NDUFV1: variants seen among roughly 807,000 people sequenced by gnomAD.
NDUFV1 encodes NADH dehydrogenase [ubiquinone] flavoprotein 1, mitochondrial.
A neutral mutation model predicts 48.7 loss-of-function variants in NDUFV1; 41 were observed. That is an observed-to-expected ratio of 0.84 (90% CI 0.66 to 1.09). The LOEUF (loss-of-function observed/expected upper bound fraction) is 1.09. Ranked by LOEUF, NDUFV1 falls within the 50% of genes least tolerant of loss-of-function variation. The pLI, the probability that NDUFV1 is intolerant of heterozygous loss-of-function variation, is 0.00. For missense variants in NDUFV1, 580 were observed against 645.4 expected, an observed-to-expected ratio of 0.90 and a Z score of 1.10; for synonymous variants, 231 against 259.1, an observed-to-expected ratio of 0.89 and a Z score of 1.04.
In NDUFV1 at chr11:67,611,936, T is replaced by C. The variant is rs1280383856; in HGVS notation, c.1120T>C (p.Tyr374His). The change falls in exon 8 of 10, where the codon TAT (tyrosine) becomes CAT (histidine). Residue 374 changes from tyrosine (Y) to histidine (H), a missense_variant. Physicochemically the swap from Tyr to His is moderately conservative, Grantham distance 83 (BLOSUM62 2). Coordinates refer to ENST00000322776, the MANE Select transcript of NDUFV1 (RefSeq NM_007103.4). The surrounding 1 kb of genome is among the most constrained non-coding windows in gnomAD (Gnocchi z 4.2). ...VKAIARLIEFYKHESCGQCTP... is the reference protein window; with the variant it reads ...VKAIARLIEFHKHESCGQCTP... ...AGCCATCGCCCGCCTCATTGAGTTC[T>C]ATAAGCACGAGAGCTGTGGCCAGTG... 1 of 1,614,040 alleles carries C rather than the reference T, an allele frequency of 6.2e-7. No individual in the cohort carries two copies. The highest frequency in any genetic ancestry group is 8.5e-7 in the Non-Finnish European group (1 of 1,180,022).
intron 1 of NDUFV1, chr11:67,608,153 G>A (rs1184336252): frequency 1.8e-6 from 1 of 554,942 alleles, no homozygotes; most frequent in Non-Finnish European, 3.2e-6. Context: ...TTGAACCTGG[G>A]AGGTGGAGTT....
chr11:67,610,202 A>G lies in NDUFV1; in HGVS notation c.511-179A>G, dbSNP rs1282696332. The stretch of plus-strand genomic sequence containing the variant: ...CTTACTTATGTGTTCCTTCTTGCTT[A>G]TCTGTTCCAGATCATAGTCAAGTTT... On this transcript the variant is annotated intron_variant, in intron 4 of 9. Coordinates refer to ENST00000322776, the MANE Select transcript of NDUFV1 (RefSeq NM_007103.4). 4.6e-6 allele frequency: 3 copies of G among 648,448 alleles called. No homozygotes were observed. The East Asian group carries it at 8.1e-5, about 18-fold the overall frequency. 40.2% of individuals were successfully genotyped at this position (648,448 alleles called of 1,614,324 possible).
intron 1 of NDUFV1, 135 bp downstream of exon 1, chr11:67,607,211 C>G: frequency 9.8e-7 from 1 of 1,023,448 alleles, no homozygotes; most frequent in Non-Finnish European, 1.5e-6. Flanking sequence ...AAGGCCCCCG[C>G]TCCGGCCTGG....
rs941600793 is a variant in NDUFV1, at chr11:67,611,835, G to A, written c.1081-62G>A. On this transcript the variant is annotated intron_variant, in intron 7 of 9. Transcript: ENST00000322776. The surrounding 1 kb of genome is among the most constrained non-coding windows in gnomAD (Gnocchi z 4.2). ...GAACTGGGGGAGGGGCTGCTGCTAG[G>A]GGGCTGAGGCCCAGGCTTCTGTCTG... 2.5e-6 allele frequency: 4 copies of A among 1,587,292 alleles called. No individual in the cohort carries two copies. In the Admixed American group the frequency reaches 6.7e-5, roughly 26 times the overall value.
chr11:67,612,215 G>A lies in NDUFV1; in HGVS notation c.1258G>A (p.Glu420Lys). 6.2e-7 allele frequency: 1 copy of A among 1,613,750 alleles called. No homozygotes were observed. Among genetic ancestry groups the A allele is most frequent in the Non-Finnish European group, 8.5e-7 (1 of 1,179,948 alleles). ...DSLWEISKQI[E>K]GHTICALGDG... is the part of the protein sequence containing the mutation. ...CCTGTGGGAGATCAGCAAGCAGATA[G>A]AAGGCCATACGATTTGTGCTCTGGG... Residue 420 changes from glutamate to lysine, a missense_variant, in exon 9 of 10, where the codon GAA (glutamate) becomes AAA (lysine). By Grantham distance (56) the Glu-to-Lys change is moderately conservative. Coordinates refer to ENST00000322776, the MANE Select transcript of NDUFV1 (RefSeq NM_007103.4). The surrounding 1 kb of genome is among the most constrained non-coding windows in gnomAD (Gnocchi z 4.4).
rs1238918850 is a variant in NDUFV1 at position 67,612,097 on chromosome 11, C to T, written c.1163-23C>T. Reference sequence around the variant, plus strand: ...TCCTGGCTGGGGAGATCATCAGGCCCTCTCTTGTGGCTGTGGCTGCAGGTG... The same window carrying T: ...TCCTGGCTGGGGAGATCATCAGGCCTTCTCTTGTGGCTGTGGCTGCAGGTG... On this transcript the variant is annotated intron_variant, in intron 8 of 9. Coordinates refer to ENST00000322776, the MANE Select transcript of NDUFV1 (RefSeq NM_007103.4). This position sits in a 1 kb window ranked among gnomAD's most constrained non-coding sequence, Gnocchi z 4.4. 17 of 1,613,442 alleles carry T rather than the reference C, an allele frequency of 1.1e-5. No homozygotes were observed. Among genetic ancestry groups the T allele is most frequent in the Non-Finnish European group, 1.4e-5 (17 of 1,179,990 alleles).
chr11:67,611,680 G>A lies in NDUFV1; in HGVS notation c.1080+111G>A. 6.7e-7 allele frequency: 1 copy of A among 1,499,142 alleles called. No homozygotes were observed. Among genetic ancestry groups the A allele is most frequent in the East Asian group, 2.4e-5 (1 of 40,942 alleles). The allele number at this position is 1,499,142 out of a possible 1,614,324, so 92.9% of individuals were successfully genotyped here. On this transcript the variant is annotated intron_variant, in intron 7 of 9. Transcript: ENST00000322776. The surrounding 1 kb of genome is among the most constrained non-coding windows in gnomAD (Gnocchi z 4.2). ...ACTCAGGTCTCAGTTCCTGCAGCCT[G>A]AGATAAAGCAAGGTGGAAGAGGAGG...
chr11:67,611,437 T>C lies in NDUFV1; in HGVS notation c.948T>C (p.Ala316=), dbSNP rs1397330510. 1 of 1,613,968 alleles carries C rather than the reference T, an allele frequency of 6.2e-7. No individual in the cohort carries two copies. Among genetic ancestry groups the C allele is most frequent in the East Asian group, 2.2e-5 (1 of 44,898 alleles). The change falls in exon 7 of 10, where the codon GCT becomes GCC. Residue 316 remains alanine, a synonymous_variant. Coordinates refer to ENST00000322776, the MANE Select transcript of NDUFV1 (RefSeq NM_007103.4). This position sits in a 1 kb window ranked among gnomAD's most constrained non-coding sequence, Gnocchi z 4.2. ...GVTGGWDNLL[A]VIPGGSSTPL... is the part of the protein sequence containing the mutation. ...CGGGCGGCTGGGACAACCTCCTTGC[T>C]GTGATCCCTGGCGGCTCGTCTACCC...
intron 5 of NDUFV1, 180 bp downstream of exon 5, chr11:67,610,750 C>A: frequency 1.1e-6 from 1 of 877,142 alleles, no homozygotes; most frequent in South Asian, 1.6e-5. Context: ...CCTCCTGCCT[C>A]GGTCCCCTCC....
chr11:67,611,871 C>T lies in NDUFV1; in HGVS notation c.1081-26C>T, dbSNP rs375312285. On this transcript the variant is annotated intron_variant, in intron 7 of 9. Transcript: ENST00000322776. The surrounding 1 kb of genome is among the most constrained non-coding windows in gnomAD (Gnocchi z 4.2). ...CCAGGCTTCTGTCTGGCCGTGGGTG[C>T]CTGCTAATTGCCCCTCGTCACCCAG... The T allele has an allele frequency of 3.7e-6, 6 of 1,612,764 alleles. No homozygotes were observed. The South Asian group carries it at 4.4e-5, about 12-fold the overall frequency.
intron 1 of NDUFV1, 35 bp downstream of exon 1, chr11:67,607,111 G>C (rs1854820198): frequency 1.3e-6 from 2 of 1,586,588 alleles, no homozygotes; most frequent in South Asian, 1.1e-5. Flanking sequence ...ACGGGTGTTT[G>C]GGGCCGGGTG....
rs773121558 is a variant in NDUFV1 at position 67,609,519 on chromosome 11, C to T, written c.394C>T (p.Arg132Cys). The stretch of plus-strand genomic sequence containing the variant: ...CACCTGCAAGGACCGGGAGATCTTA[C>T]GCCATGATCCTCACAAGCTGCTGGA... ...PGTCKDREILRHDPHKLLEGC... is the reference protein window; with the variant it reads ...PGTCKDREILCHDPHKLLEGC... Residue 132 changes from arginine (R) to cysteine (C), a missense_variant, in exon 4 of 10, where the codon CGC (arginine) becomes TGC (cysteine). Coordinates refer to ENST00000322776, the MANE Select transcript of NDUFV1 (RefSeq NM_007103.4). 40 of 1,613,388 alleles carry T rather than the reference C, an allele frequency of 2.5e-5. No homozygotes were observed. Among genetic ancestry groups the T allele is most frequent in the South Asian group, 8.8e-5 (8 of 91,080 alleles).
chr11:67,609,713 TGAGGTGTTA>T lies in NDUFV1; in HGVS notation c.510+80_510+88del, dbSNP rs1412801968. ...CACCCCTCACCCAGCACAGTTGTTC[TGAGGTGTTA>T]GTACCTGGTCTGTCAGTGGTTGAAC... is the stretch of plus-strand genomic sequence containing the variant. On this transcript the variant is annotated intron_variant, in intron 4 of 9. Transcript: ENST00000322776. 2.0e-5 allele frequency: 30 copies of T among 1,523,992 alleles called. No homozygotes were observed. The East Asian group carries it at 6.7e-4, about 34-fold the overall frequency. 94.4% of individuals were successfully genotyped at this position (1,523,992 alleles called of 1,614,324 possible).
chr11:67,608,851 T>G, intron 3 of NDUFV1, 129 bp downstream of exon 3: 1 of 1,287,930 alleles, frequency 7.8e-7, no homozygotes, highest in South Asian at 1.2e-5. Flanking sequence ...TTCCCAGGCC[T>G]TAAATGGATG....
At position 67,608,419 on chromosome 11, in the gene NDUFV1, T is replaced by G. The variant is rs556646699; in HGVS notation, c.96T>G (p.Phe32Leu). Residue 32 changes from phenylalanine (F) to leucine (L), a missense_variant, in exon 2 of 10, where the codon TTT (phenylalanine) becomes TTG (leucine). Transcript: ENST00000322776. ...GDTTAPKKTS[F>L]GSLKDEDRIF... ...AGACAGCACCCAAGAAAACCTCATTTGGCTCGCTGAAGGATGAAGACCGGA... is the reference window on the plus strand; with the variant it reads ...AGACAGCACCCAAGAAAACCTCATTGGGCTCGCTGAAGGATGAAGACCGGA... 5 of 1,614,144 alleles carry G rather than the reference T, an allele frequency of 3.1e-6. No individual in the cohort carries two copies. In the Admixed American group the frequency reaches 8.3e-5, roughly 27 times the overall value.
intron 1 of NDUFV1, chr11:67,607,564 T>C (rs1158840906): frequency 1.4e-5 from 6 of 443,014 alleles, no homozygotes; most frequent in Non-Finnish European, 2.7e-5. Flanking sequence ...CACCTGTGTG[T>C]TAAGGAGGCA....
In NDUFV1 at chr11:67,611,340, A is replaced by G; in HGVS notation, c.914-63A>G. 1.9e-6 allele frequency: 3 copies of G among 1,601,396 alleles called. No individual in the cohort carries two copies. The highest frequency in any genetic ancestry group is 2.7e-5 in the African/African-American group (2 of 74,806). ...TGACTAAGGGCCTGGGCTCAGGACT[A>G]GGCAGGTGTGCCGGCCCCAGCCCTG... is the stretch of plus-strand genomic sequence containing the variant. On this transcript the variant is annotated intron_variant, in intron 6 of 9. Transcript: ENST00000322776. The surrounding 1 kb of genome is among the most constrained non-coding windows in gnomAD (Gnocchi z 4.2).
Position 67,612,531 on chromosome 11 carries a change from C to A in NDUFV1, c.*73C>A. On this transcript the variant is annotated 3_prime_UTR_variant, in exon 10 of 10. Coordinates refer to ENST00000322776, the MANE Select transcript of NDUFV1 (RefSeq NM_007103.4). The surrounding 1 kb of genome is among the most constrained non-coding windows in gnomAD (Gnocchi z 4.4). ...GACAATAAAGCGAGTGCTGCCCACC[C>A]TCCAGCTGCCGCTGCTGTGACTGTG... The A allele has an allele frequency of 6.7e-7, 1 of 1,484,116 alleles. No homozygotes were observed. The highest frequency in any genetic ancestry group is 9.2e-7 in the Non-Finnish European group (1 of 1,085,084). The allele number at this position is 1,484,116 out of a possible 1,614,324, so 91.9% of individuals were successfully genotyped here. A position where few individuals can be genotyped will look rare whatever the true frequency, so the allele number is the denominator to read the frequency against.
Position 67,612,413 on chromosome 11 carries a change from G to A in NDUFV1, c.1350G>A (p.Met450Ile). The change falls in exon 10 of 10, where the codon ATG (methionine) becomes ATA (isoleucine). Residue 450 changes from methionine to isoleucine, a missense_variant. Coordinates refer to ENST00000322776, the MANE Select transcript of NDUFV1 (RefSeq NM_007103.4). This position sits in a 1 kb window ranked among gnomAD's most constrained non-coding sequence, Gnocchi z 4.4. ...RHFRPELEER[M>I]QRFAQQHQAR... Reference sequence around the variant, plus strand: ...TTCGGCCGGAGCTCGAGGAGCGGATGCAGCGGTTTGCCCAGCAGCATCAGG... The same window carrying A: ...TTCGGCCGGAGCTCGAGGAGCGGATACAGCGGTTTGCCCAGCAGCATCAGG... 2 of 1,612,640 alleles carry A rather than the reference G, an allele frequency of 1.2e-6. No individual in the cohort carries two copies. The highest frequency in any genetic ancestry group is 2.2e-5 in the East Asian group (1 of 44,854).
Sources: allele counts gnomAD v4.1 joint callset, GRCh38; gene constraint gnomAD v4.1.1; non-coding constraint Gnocchi (gnomAD v3.1); transcripts MANE v1.5; gene names NCBI Gene and HGNC (gene_info 2026-07-23, HGNC 2026-07-21).